COL2A1: variants seen among roughly 807,000 people sequenced by gnomAD.
COL2A1 encodes collagen type II alpha 1 chain.
Under a neutral mutation model 204.5 loss-of-function variants are expected in COL2A1, and 28 were observed. The ratio of observed to expected loss-of-function variants is 0.14; its 90% CI spans 0.10 to 0.19. The LOEUF is 0.19. COL2A1 is among the 10% of genes least tolerant of loss of function. The probability of loss-of-function intolerance (pLI) is 1.00; values close to 1 mark genes in which losing one functional copy is unlikely to be tolerated. For synonymous variants in COL2A1, 708 were observed against 718.7 expected, an observed-to-expected ratio of 0.99 and a Z score of 0.24; for missense variants, 1,388 against 2,027.5, an observed-to-expected ratio of 0.68 and a Z score of 6.06.
At chr12:47,984,394 C>T in intron 28 of COL2A1, 152 bp downstream of exon 28, 1 of 873,980 alleles carries the variant, frequency 1.1e-6, no homozygotes. Context: ...GTGTAGACAC[C>T]CAAAGGGCCC....
At position 47,999,014 on chromosome 12, in the gene COL2A1, C is replaced by T. The variant is rs181776073; in HGVS notation, c.293-583G>A. Reference sequence around the variant, plus strand: ...AAAGGCAATCAACACTTCACTCACACGGGCCCCTCAGAAAGGATCTGGGAA... The same window carrying T: ...AAAGGCAATCAACACTTCACTCACATGGGCCCCTCAGAAAGGATCTGGGAA... On this transcript the variant is annotated intron_variant, in intron 2 of 53. Coordinates refer to ENST00000380518, the MANE Select transcript of COL2A1 (RefSeq NM_001844.5). 5.3e-5 allele frequency among the ~76,000 whole-genome samples: 8 copies of T among 152,310 alleles called. No homozygotes were observed. The East Asian group carries it at 1.5e-3, about 29-fold the overall frequency.
chr12:47,997,894 C>A lies in COL2A1; in HGVS notation c.406G>T (p.Asp136Tyr). Reference protein sequence around the residue: ...GPAGEQGPRGDRGDKGEKGAP... With the variant: ...GPAGEQGPRGYRGDKGEKGAP... ...ACTTTTTCACCTTTGTCACCACGAT[C>A]CCCTCTGGGTCCTTGTTCCCCTGCA... is the stretch of plus-strand genomic sequence containing the variant. Residue 136 changes from aspartate to tyrosine, a missense_variant, in exon 6 of 54, where the codon GAT (aspartate) becomes TAT (tyrosine). Asp to Tyr is a radical substitution (Grantham distance 160, BLOSUM62 -3). This residue lies in a region of COL2A1 where 201 missense variants were observed against 242.4 expected (regional missense o/e 0.83). Transcript: ENST00000380518. 6.2e-7 allele frequency: 1 copy of A among 1,614,146 alleles called. No individual in the cohort carries two copies. The highest frequency in any genetic ancestry group is 1.1e-5 in the South Asian group (1 of 91,086).
intron 17 of COL2A1, among the ~76,000 whole-genome samples, chr12:47,989,528 C>T (rs115379711): frequency 1.3e-5 from 2 of 152,218 alleles, no homozygotes; most frequent in East Asian, 3.8e-4. Flanking sequence ...TTTGACCTCC[C>T]TCCTCTAAAA....
intron 22 of COL2A1, 23 bp downstream of exon 22, chr12:47,986,812 A>G (rs1469922887): frequency 1.2e-6 from 2 of 1,613,944 alleles, no homozygotes; most frequent in Non-Finnish European, 1.7e-6. Context: ...AGAGAAGACA[A>G]GGGCTTGGGG....
intron 37 of COL2A1, 34 bp downstream of exon 37, chr12:47,981,309 G>A (rs554813435): frequency 4.6e-5 from 74 of 1,607,222 alleles, no homozygotes; most frequent in Admixed American, 6.7e-5. Context: ...CAGGGGCCTC[G>A]GGCAGAGCCA....
intron 2 of COL2A1, chr12:47,999,561 T>C: frequency 3.8e-6 from 1 of 265,056 alleles, no homozygotes; most frequent in Non-Finnish European, 7.2e-6. Flanking sequence ...AGGAATTAAT[T>C]CGTGGATTGG....
intron 36 of COL2A1, 151 bp from the exon 37 acceptor site, chr12:47,981,547 C>T (rs1299166466): frequency 1.1e-6 from 1 of 887,606 alleles, no homozygotes; most frequent in East Asian, 2.6e-5. Flanking sequence ...CATACCCGCA[C>T]CCTCTCGAGG....
chr12:48,005,723 C>T (rs970024926), upstream of COL2A1: 2 of 152,246 alleles, frequency 1.3e-5, no homozygotes, highest in Admixed American at 6.5e-5. Context: ...TATGGTCCCC[C>T]AAAGAACTAT....
At position 47,987,590 on chromosome 12, in the gene COL2A1, C is replaced by G. The variant is rs540272935; in HGVS notation, c.1221+21G>C. 6.3e-7 allele frequency: 1 copy of G among 1,599,470 alleles called. No homozygotes were observed. The highest frequency in any genetic ancestry group is 8.5e-7 in the Non-Finnish European group (1 of 1,170,124). On this transcript the variant is annotated intron_variant, in intron 19 of 53. Transcript: ENST00000380518. This position sits in a 1 kb window ranked among gnomAD's most constrained non-coding sequence, Gnocchi z 4.1. ...GCCACAGACCCCAGACCCCCCCAGG[C>G]CAAAGAGAAGCTGCACTTACGGAGG...
chr12:47,980,165 G>C lies in COL2A1; in HGVS notation c.2626-103C>G. 1 of 1,083,290 alleles carries C rather than the reference G, an allele frequency of 9.2e-7. No individual in the cohort carries two copies. The highest frequency in any genetic ancestry group is 1.4e-5 in the South Asian group (1 of 74,004). 67.1% of individuals were successfully genotyped at this position (1,083,290 alleles called of 1,614,324 possible). A position where few individuals can be genotyped will look rare whatever the true frequency, so the allele number is the denominator to read the frequency against. ...GACCCCTGAGGTTTTCGAAGATGCAGCTTTCTTGGCACTAAAAACCCAGCC... is the reference window on the plus strand; with the variant it reads ...GACCCCTGAGGTTTTCGAAGATGCACCTTTCTTGGCACTAAAAACCCAGCC... On this transcript the variant is annotated intron_variant, in intron 39 of 53. Coordinates refer to ENST00000380518, the MANE Select transcript of COL2A1 (RefSeq NM_001844.5). The surrounding 1 kb of genome is among the most constrained non-coding windows in gnomAD (Gnocchi z 4.5).
In COL2A1 at chr12:47,984,847, A is replaced by ACAGACCCC. The variant is rs1939302172; in HGVS notation, c.1833+140_1833+147dup. 3 of 793,684 alleles carry ACAGACCCC rather than the reference A, an allele frequency of 3.8e-6. No homozygotes were observed. The South Asian group carries it at 4.4e-5, about 12-fold the overall frequency. The allele number at this position is 793,684 out of a possible 1,614,324, so 49.2% of individuals were successfully genotyped here. On this transcript the variant is annotated intron_variant, in intron 27 of 53. Transcript: ENST00000380518. ...GCCATGGATTTTCCCCAAATCACAT[A>ACAGACCCC]CAGACCCCCACTGCCACCCATGGCA...
In COL2A1 at chr12:47,975,362, G is replaced by A. The variant is rs764309847; in HGVS notation, c.3841C>T (p.Arg1281Cys). The A allele has an allele frequency of 6.8e-6, 11 of 1,614,152 alleles. No individual in the cohort carries two copies. The highest frequency in any genetic ancestry group is 1.7e-4 in the Middle Eastern group (1 of 6,050). Reference sequence around the variant, plus strand: ...CAGAGTTTCAGGTCTCTGCAGGTGCGAGCAGGGTTCTTGCGGGAGCCCTCG... The same window carrying A: ...CAGAGTTTCAGGTCTCTGCAGGTGCAAGCAGGGTTCTTGCGGGAGCCCTCG... The part of the protein sequence containing the change: ...SPEGSRKNPA[R>C]TCRDLKLCHP... Residue 1281 changes from arginine to cysteine, a missense_variant, in exon 51 of 54, where the codon CGC becomes TGC. Arg to Cys is a radical substitution (Grantham distance 180). Around this residue, in one of 3 missense-constraint regions of COL2A1, gnomAD observed 303 missense variants for 369.2 expected, o/e 0.82. Coordinates refer to ENST00000380518, the MANE Select transcript of COL2A1 (RefSeq NM_001844.5).
intron 27 of COL2A1, 40 bp downstream of exon 27, chr12:47,984,955 C>T (rs1363200619): frequency 6.5e-7 from 1 of 1,539,278 alleles, no homozygotes; most frequent in East Asian, 2.3e-5. Context: ...AGGTAGGTAG[C>T]ACCACATGGA....
At chr12:47,973,868 A>T (rs540583168) in intron 53 of COL2A1, among the ~76,000 whole-genome samples, 2 of 152,224 alleles carry the variant, frequency 1.3e-5, no homozygotes, top group South Asian at 4.1e-4. Flanking sequence ...ACTGGGTTCC[A>T]GGTAGGGTTT....
chr12:47,995,658 T>C (rs1475454658), intron 10 of COL2A1, 52 bp downstream of exon 10: 8 of 1,549,712 alleles, frequency 5.2e-6, no homozygotes, highest in Non-Finnish European at 7.1e-6. Context: ...GTCCTAGTGG[T>C]CTATCATTAG....
rs868084415 is a variant in COL2A1, at chr12:47,985,820, G to T, written c.1588C>A (p.Pro530Thr). ...AGACCACTGGGCCCTCGCTCTCCAG[G>T]GGCTCCCTACAAGGGTACACAGGGA... is the stretch of plus-strand genomic sequence containing the variant. ...QDGLAGPKGA[P>T]GERGPSGLAG... The change falls in exon 25 of 54, where the codon CCT becomes ACT. Residue 530 changes from proline to threonine, a missense_variant. This residue lies in a region of COL2A1 where 884 missense variants were observed against 1,415.8 expected (regional missense o/e 0.62). Coordinates refer to ENST00000380518, the MANE Select transcript of COL2A1 (RefSeq NM_001844.5). The T allele has an allele frequency of 1.9e-6, 3 of 1,609,990 alleles. No homozygotes were observed. Among genetic ancestry groups the T allele is most frequent in the Non-Finnish European group, 2.5e-6 (3 of 1,178,130 alleles).
In COL2A1 at chr12:47,976,118, G is replaced by A. The variant is rs774337456; in HGVS notation, c.3490-48C>T. ...GGAAAGAGTGGTCACCACAGGGAAG[G>A]CTGGGGAGTCGCTGGGGCTGGGTAG... On this transcript the variant is annotated intron_variant, in intron 49 of 53. Coordinates refer to ENST00000380518, the MANE Select transcript of COL2A1 (RefSeq NM_001844.5). The surrounding 1 kb of genome is among the most constrained non-coding windows in gnomAD (Gnocchi z 4.3). 5 of 1,408,880 alleles carry A rather than the reference G, an allele frequency of 3.5e-6. No homozygotes were observed. Among genetic ancestry groups the A allele is most frequent in the Non-Finnish European group, 4.0e-6 (4 of 993,316 alleles). The allele number at this position is 1,408,880 out of a possible 1,614,324, so 87.3% of individuals were successfully genotyped here.
rs1939096127 is a variant in COL2A1, at chr12:47,981,703, C to G, written c.2409+73G>C. On this transcript the variant is annotated intron_variant, in intron 36 of 53. Coordinates refer to ENST00000380518, the MANE Select transcript of COL2A1 (RefSeq NM_001844.5). Reference sequence around the variant, plus strand: ...GTGGTGAGGGAGGACAAGACAGAACCGCCTTTGGCAGGAGATAAGAAGGAG... The same window carrying G: ...GTGGTGAGGGAGGACAAGACAGAACGGCCTTTGGCAGGAGATAAGAAGGAG... 6 of 1,479,330 alleles carry G rather than the reference C, an allele frequency of 4.1e-6. No homozygotes were observed. In the Admixed American group the frequency reaches 9.8e-5, roughly 24 times the overall value. The allele number at this position is 1,479,330 out of a possible 1,614,324, so 91.6% of individuals were successfully genotyped here.
In COL2A1 at chr12:47,980,113, TGG is replaced by T. The variant is rs1938965296; in HGVS notation, c.2626-53_2626-52del. ...AGGCCCAGTGGCCCAAGGAAGACGG[TGG>T]GCTTCTGTCTGAGCCCCAACAATGG... On this transcript the variant is annotated intron_variant, in intron 39 of 53. Coordinates refer to ENST00000380518, the MANE Select transcript of COL2A1 (RefSeq NM_001844.5). The surrounding 1 kb of genome is among the most constrained non-coding windows in gnomAD (Gnocchi z 4.5). 7.4e-6 allele frequency: 11 copies of T among 1,487,332 alleles called. No homozygotes were observed. The South Asian group carries it at 9.7e-5, about 13-fold the overall frequency. 92.1% of individuals were successfully genotyped at this position (1,487,332 alleles called of 1,614,324 possible).
Sources: gnomAD v4.1 joint callset for allele counts (sites outside exome capture counted in the v4.1 genomes callset) on GRCh38, gnomAD v4.1.1 for gene constraint, gnomAD v4.1.1 regional missense constraint, Gnocchi (gnomAD v3.1) non-coding constraint, MANE v1.5 for transcripts, NCBI Gene and HGNC (gene_info 2026-07-23, HGNC 2026-07-21) for gene names.